Variants in TNFAIP8L3 observed in about 807,000 individuals in gnomAD.
TNFAIP8L3 encodes the protein tumor necrosis factor alpha-induced protein 8-like protein 3.
A neutral mutation model predicts 11.8 loss-of-function variants in TNFAIP8L3; 7 were observed. The observed-to-expected ratio is 0.59, with a 90% CI of 0.34 to 1.11. The LOEUF (loss-of-function observed/expected upper bound fraction) is 1.11. TNFAIP8L3 is among the 50% of genes most tolerant of loss of function. TNFAIP8L3 has a pLI of 0.03. For synonymous variants in TNFAIP8L3, 98 were observed against 103.8 expected, an observed-to-expected ratio of 0.94 and a Z score of 0.34; for missense variants, 219 against 258.6, an observed-to-expected ratio of 0.85 and a Z score of 1.05.
At chr15:51,095,917 C>T (rs2065510972), upstream of TNFAIP8L3, among the ~76,000 whole-genome samples, 1 of 152,180 alleles carries the variant, frequency 6.6e-6, no homozygotes, top group African/African-American at 2.4e-5. Flanking sequence ...ACTTACTGAA[C>T]ATTTCCCTTT....
At chr15:51,083,604 G>C (rs2065407017) in intron 1 of TNFAIP8L3, among the ~76,000 whole-genome samples, 1 of 152,204 alleles carries the variant, frequency 6.6e-6, no homozygotes, top group African/African-American at 2.4e-5. Context: ...CTCACCCACG[G>C]GTGCGTTTAG....
chr15:51,064,170 A>T (rs929457629), intron 1 of TNFAIP8L3, among the ~76,000 whole-genome samples: 2 of 152,102 alleles, frequency 1.3e-5, no homozygotes, highest in Non-Finnish European at 2.9e-5. Flanking sequence ...AGATTTCCAT[A>T]CTCTACCCCA....
chr15:51,098,320 T>G (rs1199835940), upstream of TNFAIP8L3, among the ~76,000 whole-genome samples: 1 of 152,218 alleles, frequency 6.6e-6, no homozygotes, highest in East Asian at 1.9e-4. Flanking sequence ...GCTGCTCTGC[T>G]TTGAAAACCC....
upstream of TNFAIP8L3, among the ~76,000 whole-genome samples, chr15:51,098,850 T>C (rs1332029895): frequency 1.3e-5 from 2 of 152,282 alleles, no homozygotes; most frequent in African/African-American, 4.8e-5. Flanking sequence ...TTAATAGCTG[T>C]ACAATATTCT....
intron 1 of TNFAIP8L3, among the ~76,000 whole-genome samples, chr15:51,089,350 GCTAA>G (rs1026820418): frequency 3.9e-5 from 6 of 152,204 alleles, no homozygotes; most frequent in African/African-American, 1.4e-4. Context: ...TCCTTAGGAA[GCTAA>G]CTAACAGTCC....
At chr15:51,058,563 A>G in intron 1 of TNFAIP8L3, 120 bp from the exon 2 acceptor site, 4 of 923,708 alleles carry the variant, frequency 4.3e-6, no homozygotes. Flanking sequence ...ATGTCTTTAT[A>G]TTCCCTCGCT....
At chr15:51,089,108 C>T (rs1403625018) in intron 1 of TNFAIP8L3, among the ~76,000 whole-genome samples, 1 of 152,038 alleles carries the variant, frequency 6.6e-6, no homozygotes, top group Non-Finnish European at 1.5e-5. Context: ...CCCCTTTTTT[C>T]CCTTGCCTTC....
At chr15:51,063,299 A>C (rs1322701397) in intron 1 of TNFAIP8L3, among the ~76,000 whole-genome samples, 1 of 152,204 alleles carries the variant, frequency 6.6e-6, no homozygotes, top group Non-Finnish European at 1.5e-5. Flanking sequence ...TTGCCTCCTG[A>C]GTGACCAAAT....
chr15:51,093,781 G>A (rs577770911), intron 1 of TNFAIP8L3, among the ~76,000 whole-genome samples: 4 of 152,314 alleles, frequency 2.6e-5, no homozygotes, highest in East Asian at 3.9e-4. Flanking sequence ...GTCGACCCAC[G>A]GCTGTGGGTG....
intron 1 of TNFAIP8L3, among the ~76,000 whole-genome samples, chr15:51,063,203 A>G (rs894421611): frequency 3.3e-5 from 5 of 152,202 alleles, no homozygotes; most frequent in African/African-American, 1.2e-4. Flanking sequence ...ATTTGTGGTA[A>G]TTTGTTACAG....
At chr15:51,067,854 AAC>A (rs2065281964) in intron 1 of TNFAIP8L3, among the ~76,000 whole-genome samples, 1 of 152,226 alleles carries the variant, frequency 6.6e-6, no homozygotes, top group Non-Finnish European at 1.5e-5. Context: ...ACAGCAGGAA[AAC>A]ACAGAGTGGA....
At chr15:51,089,801 C>T (rs1031403239) in intron 1 of TNFAIP8L3, among the ~76,000 whole-genome samples, 7 of 152,280 alleles carry the variant, frequency 4.6e-5, no homozygotes, top group South Asian at 2.1e-4. Flanking sequence ...GTCCTGACTC[C>T]GAAAGCAGCT....
chr15:51,079,889 A>G (rs2065379891), intron 1 of TNFAIP8L3, among the ~76,000 whole-genome samples: 1 of 151,544 alleles, frequency 6.6e-6, no homozygotes, highest in Non-Finnish European at 1.5e-5. Context: ...AGAAAGAAAG[A>G]AAAAAAAGAA....
rs1210702175 is a variant in TNFAIP8L3 at position 51,100,511 on chromosome 15, A to G, written c.172+4494T>C. Among the ~76,000 whole-genome samples the G allele has an allele frequency of 2.6e-5, 4 of 152,232 alleles. No individual in the cohort carries two copies. The East Asian group carries it at 7.7e-4, about 29-fold the overall frequency. On this transcript the variant is annotated intron_variant, in intron 1 of 2. Transcript: ENST00000327536. ...AAGAGAAGACAAAATCATATGGGAAAGACATGTGGGTCTTAGTTGTCCATA... is the reference window on the plus strand; with the variant it reads ...AAGAGAAGACAAAATCATATGGGAAGGACATGTGGGTCTTAGTTGTCCATA...
intron 1 of TNFAIP8L3, among the ~76,000 whole-genome samples, chr15:51,081,487 T>C (rs187634836): frequency 2.0e-4 from 31 of 152,286 alleles, no homozygotes; most frequent in Admixed American, 1.9e-3. Flanking sequence ...ATGTGCCCCA[T>C]GACTCCCTGA....
At chr15:51,071,343 G>T (rs990315138) in intron 1 of TNFAIP8L3, among the ~76,000 whole-genome samples, 1 of 152,142 alleles carries the variant, frequency 6.6e-6, no homozygotes, top group Non-Finnish European at 1.5e-5. Flanking sequence ...ACAGGGAGAG[G>T]TAAAGCCCTC....
chr15:51,064,960 TCTC>T (rs1408446086), intron 1 of TNFAIP8L3: 1 of 152,198 alleles, frequency 6.6e-6, no homozygotes, highest in Non-Finnish European at 1.5e-5. Flanking sequence ...GGTAAAAACT[TCTC>T]CTTCTGTATA....
chr15:51,057,902 C>A lies in TNFAIP8L3; in HGVS notation c.594G>T (p.Leu198Phe). The part of the protein sequence containing the change: ...LKRICEGINK[L>F]LDEKVL ...GCATTTAAAGGACTTTCTCATCTAGCAACTTATTGATTCCTTCACAAATCC... is the reference window on the plus strand; with the variant it reads ...GCATTTAAAGGACTTTCTCATCTAGAAACTTATTGATTCCTTCACAAATCC... Residue 198 changes from leucine (L) to phenylalanine (F), a missense_variant, in exon 2 of 2, where the codon TTG (leucine) becomes TTT (phenylalanine). Physicochemically the swap from Leu to Phe is conservative, Grantham distance 22. Transcript: ENST00000637513. 6.3e-7 allele frequency: 1 copy of A among 1,583,812 alleles called. No homozygotes were observed. The highest frequency in any genetic ancestry group is 8.6e-7 in the Non-Finnish European group (1 of 1,165,600).
intron 1 of TNFAIP8L3, among the ~76,000 whole-genome samples, chr15:51,093,191 C>T (rs2065485182): frequency 6.6e-6 from 1 of 152,240 alleles, no homozygotes; most frequent in South Asian, 2.1e-4. Context: ...AAGCAGGTGG[C>T]ACTTGCACAC....
Sources: allele counts gnomAD v4.1 joint callset (sites outside exome capture counted in the v4.1 genomes callset), GRCh38; gene constraint gnomAD v4.1.1; transcripts MANE v1.5; gene names NCBI Gene and HGNC (gene_info 2026-07-23, HGNC 2026-07-21).